The following SLC7A8 variants were observed in gnomAD, a reference collection of about 807,000 sequenced individuals.
The protein encoded by SLC7A8 is solute carrier family 7 member 8.
Under a neutral mutation model 51.2 loss-of-function variants are expected in SLC7A8, and 30 were observed. The observed-to-expected ratio is 0.59, with a 90% CI of 0.44 to 0.80. The LOEUF (loss-of-function observed/expected upper bound fraction) is 0.80. SLC7A8 is among the 30% of genes least tolerant of loss of function. The pLI, the probability that SLC7A8 is intolerant of heterozygous loss-of-function variation, is 0.00. For synonymous variants in SLC7A8, 257 were observed against 275.8 expected (o/e 0.93, Z 0.67); for missense variants, 612 against 674.4 (o/e 0.91, Z 1.03).
chr14:23,143,650 T>C (rs897868736), intron 3 of SLC7A8, among the ~76,000 whole-genome samples: 4 of 152,244 alleles, frequency 2.6e-5, no homozygotes, highest in African/African-American at 9.6e-5. Flanking sequence ...TATTGAGATA[T>C]AATCTACATC....
chr14:23,127,797 T>C (rs531168306), intron 10 of SLC7A8, among the ~76,000 whole-genome samples: 12 of 152,304 alleles, frequency 7.9e-5, no homozygotes, highest in Admixed American at 2.0e-4. Flanking sequence ...TGCCTATTCT[T>C]GCGGGTCTAA....
intron 3 of SLC7A8, among the ~76,000 whole-genome samples, chr14:23,151,332 T>G (rs1379986050): frequency 6.6e-6 from 1 of 152,166 alleles, no homozygotes; most frequent in African/African-American, 2.4e-5. Flanking sequence ...CGTGCTGCTC[T>G]AGGGAGTAAA....
chr14:23,164,610 C>CT (rs113840221), intron 3 of SLC7A8, among the ~76,000 whole-genome samples: 18,707 of 134,296 alleles, frequency 0.14, 1,733 homozygotes, highest in African/African-American at 0.32. Flanking sequence ...AAGTTTCTTT[C>CT]TTTTTTTTTT....
intron 3 of SLC7A8, among the ~76,000 whole-genome samples, chr14:23,145,210 C>T (rs1446397232): frequency 1.3e-5 from 2 of 150,584 alleles, no homozygotes; most frequent in Non-Finnish European, 3.0e-5. Flanking sequence ...ACCGCCCGGC[C>T]GGGATGCATT....
At chr14:23,130,878 C>T (rs2140301811) in intron 8 of SLC7A8, among the ~76,000 whole-genome samples, 1 of 152,354 alleles carries the variant, frequency 6.6e-6, no homozygotes, top group East Asian at 1.9e-4. Flanking sequence ...CTTCCTATAG[C>T]TCTCTCAAAA....
At chr14:23,158,297 C>G (rs1426623394) in intron 3 of SLC7A8, among the ~76,000 whole-genome samples, 1 of 152,196 alleles carries the variant, frequency 6.6e-6, no homozygotes, top group Non-Finnish European at 1.5e-5. Context: ...GAGCACCACC[C>G]TGGGGAAGGT....
intron 1 of SLC7A8, among the ~76,000 whole-genome samples, chr14:23,171,731 C>T (rs2048976070): frequency 6.6e-6 from 1 of 152,168 alleles, no homozygotes; most frequent in Non-Finnish European, 1.5e-5. Context: ...CTTTTCAGGA[C>T]TAAGGGAACA....
chr14:23,158,624 G>A (rs527998724), intron 3 of SLC7A8, among the ~76,000 whole-genome samples: 18 of 152,350 alleles, frequency 1.2e-4, no homozygotes, highest in Admixed American at 2.6e-4. Flanking sequence ...GATTACAGGC[G>A]TAAGCCACCG....
intron 1 of SLC7A8, among the ~76,000 whole-genome samples, chr14:23,174,988 C>T (rs2048992384): frequency 6.6e-6 from 1 of 152,198 alleles, no homozygotes; most frequent in East Asian, 1.9e-4. Context: ...ACAATAACAA[C>T]AAAACAACAA....
At chr14:23,150,491 C>T (rs1477886646) in intron 3 of SLC7A8, among the ~76,000 whole-genome samples, 1 of 152,286 alleles carries the variant, frequency 6.6e-6, no homozygotes, top group East Asian at 1.9e-4. Context: ...AACTTTTGAA[C>T]TTGAGGAACT....
At chr14:23,139,206 T>C (rs1251824794) in intron 6 of SLC7A8, among the ~76,000 whole-genome samples, 1 of 152,190 alleles carries the variant, frequency 6.6e-6, no homozygotes, top group Non-Finnish European at 1.5e-5. Flanking sequence ...ATGACTCGGT[T>C]CTGCCATTGT....
intron 6 of SLC7A8, 54 bp downstream of exon 6, chr14:23,139,370 G>A (rs2048720365): frequency 3.1e-6 from 5 of 1,611,914 alleles, no homozygotes; most frequent in Non-Finnish European, 4.2e-6. Flanking sequence ...GGCTACAGCA[G>A]GCAAGTCTAT....
intron 3 of SLC7A8, among the ~76,000 whole-genome samples, chr14:23,151,381 A>G (rs1422703339): frequency 6.6e-6 from 1 of 152,226 alleles, no homozygotes; most frequent in Non-Finnish European, 1.5e-5. Context: ...CCATGAAGCA[A>G]GGCCAGCAAG....
intron 3 of SLC7A8, among the ~76,000 whole-genome samples, chr14:23,153,049 A>C (rs1041170443): frequency 6.6e-6 from 1 of 152,148 alleles, no homozygotes; most frequent in Non-Finnish European, 1.5e-5. Context: ...CCTACCACCC[A>C]AGGCTTGTGT....
intron 3 of SLC7A8, among the ~76,000 whole-genome samples, chr14:23,151,382 G>A (rs1384636468): frequency 2.6e-5 from 4 of 152,190 alleles, no homozygotes; most frequent in African/African-American, 4.8e-5. Context: ...CATGAAGCAA[G>A]GCCAGCAAGT....
intron 7 of SLC7A8, among the ~76,000 whole-genome samples, chr14:23,137,704 G>A (rs1205045945): frequency 6.6e-6 from 1 of 152,064 alleles, no homozygotes. Context: ...CCTAGGACCC[G>A]TATGCCACAC....
At chr14:23,155,330 C>T in intron 3 of SLC7A8, 1 of 1,535,384 alleles carries the variant, frequency 6.5e-7, no homozygotes, top group African/African-American at 1.4e-5. Context: ...CAAACACTTC[C>T]AGCTAAGCTC....
chr14:23,166,844 G>A (rs2048952777), intron 1 of SLC7A8, among the ~76,000 whole-genome samples: 1 of 152,214 alleles, frequency 6.6e-6, no homozygotes, highest in Non-Finnish European at 1.5e-5. Context: ...GAGTCTCAGA[G>A]ATACCAAGTG....
intron 3 of SLC7A8, among the ~76,000 whole-genome samples, chr14:23,144,066 G>A (rs2048768710): frequency 6.6e-6 from 1 of 152,258 alleles, no homozygotes. Flanking sequence ...GTTGCTCACA[G>A]TGTGGGACTA....
Sources: gnomAD v4.1 joint callset for allele counts (sites outside exome capture counted in the v4.1 genomes callset) on GRCh38, gnomAD v4.1.1 for gene constraint, MANE v1.5 for transcripts, NCBI Gene and HGNC (gene_info 2026-07-23, HGNC 2026-07-21) for gene names.